Variants in UNC5D observed in about 807,000 individuals in gnomAD.
UNC5D encodes the protein unc-5 netrin receptor D.
A neutral mutation model predicts 105.4 loss-of-function variants in UNC5D; 39 were observed. The observed-to-expected ratio is 0.37, with a 90% CI of 0.29 to 0.48. UNC5D has a LOEUF of 0.48. Ranked by LOEUF, UNC5D falls within the 20% of genes least tolerant of loss-of-function variation. The probability of loss-of-function intolerance (pLI) is 0.98; values close to 1 mark genes in which losing one functional copy is unlikely to be tolerated. For missense variants in UNC5D, 991 were observed against 1,202.4 expected, an observed-to-expected ratio of 0.82 and a Z score of 2.60; for synonymous variants, 452 against 450.4, an observed-to-expected ratio of 1.00 and a Z score of -0.04.
chr8:35,343,912 C>G (rs905779831), intron 1 of UNC5D, among the ~76,000 whole-genome samples: 2 of 152,074 alleles, frequency 1.3e-5, no homozygotes, highest in Admixed American at 6.6e-5. Flanking sequence ...TTAACCTATA[C>G]GAGAATGTCT....
intron 4 of UNC5D, among the ~76,000 whole-genome samples, chr8:35,627,625 G>GC (rs763959721): frequency 3.8e-4 from 58 of 152,234 alleles, no homozygotes; most frequent in Non-Finnish European, 8.1e-4. Flanking sequence ...TGACAGTACT[G>GC]TTTTTAAAAA....
At chr8:35,690,915 G>A (rs1054844949) in intron 7 of UNC5D, among the ~76,000 whole-genome samples, 1 of 152,176 alleles carries the variant, frequency 6.6e-6, no homozygotes, top group Non-Finnish European at 1.5e-5. Flanking sequence ...TGACCCTAAA[G>A]CAATTCCTCA....
intron 1 of UNC5D, among the ~76,000 whole-genome samples, chr8:35,266,454 A>G (rs932169134): frequency 3.3e-5 from 5 of 152,234 alleles, no homozygotes; most frequent in Admixed American, 3.3e-4. Context: ...CCAAATGGTT[A>G]GGTTAAAGTG....
intron 15 of UNC5D, among the ~76,000 whole-genome samples, chr8:35,769,266 C>T (rs1801904149): frequency 1.3e-5 from 2 of 152,148 alleles, no homozygotes; most frequent in Non-Finnish European, 2.9e-5. Context: ...CAGTACCCAA[C>T]TCAGAGACCT....
intron 4 of UNC5D, among the ~76,000 whole-genome samples, chr8:35,641,453 G>A (rs189032524): frequency 6.7e-6 from 1 of 149,520 alleles, no homozygotes; most frequent in Non-Finnish European, 1.5e-5. Context: ...TGTCTGATCA[G>A]ATCTTTGCCA....
chr8:35,243,054 T>A (rs1802893025), intron 1 of UNC5D, among the ~76,000 whole-genome samples: 1 of 152,142 alleles, frequency 6.6e-6, no homozygotes, highest in Non-Finnish European at 1.5e-5. Context: ...TTACTGCAGA[T>A]CTTGTTAAAA....
intron 3 of UNC5D, among the ~76,000 whole-genome samples, chr8:35,579,091 CAAT>C (rs1818304686): frequency 6.6e-6 from 1 of 152,136 alleles, no homozygotes; most frequent in South Asian, 2.1e-4. Flanking sequence ...GATTTTATTT[CAAT>C]TCAACTCTCA....
rs540612345 is a variant in UNC5D at position 35,437,842 on chromosome 8, G to C, written c.104-111450G>C. Among the ~76,000 whole-genome samples the C allele has an allele frequency of 1.1e-4, 16 of 151,012 alleles. 1 individual carries two copies. The highest frequency in any genetic ancestry group is 3.9e-4 in the African/African-American group (16 of 41,364). Reference sequence around the variant, plus strand: ...GTGAATTTAGTAACAGGAGCAATTGGATTTCTTCTGAGCGGTTGATTTTTT... The same window carrying C: ...GTGAATTTAGTAACAGGAGCAATTGCATTTCTTCTGAGCGGTTGATTTTTT... On this transcript the variant is annotated intron_variant, in intron 1 of 16. Coordinates refer to ENST00000404895, the MANE Select transcript of UNC5D (RefSeq NM_080872.4).
intron 4 of UNC5D, among the ~76,000 whole-genome samples, chr8:35,597,448 C>A (rs1011753458): frequency 6.6e-6 from 1 of 152,118 alleles, no homozygotes; most frequent in South Asian, 2.1e-4. Context: ...TTCCTAGGAG[C>A]CTAACAGAGG....
chr8:35,706,213 A>G (rs569044003), intron 8 of UNC5D, among the ~76,000 whole-genome samples: 2 of 152,204 alleles, frequency 1.3e-5, no homozygotes, highest in Non-Finnish European at 2.9e-5. Context: ...ATTTCTCTGC[A>G]AATGTCATCT....
At chr8:35,724,650 T>C (rs1390380921) in intron 9 of UNC5D, among the ~76,000 whole-genome samples, 1 of 152,182 alleles carries the variant, frequency 6.6e-6, no homozygotes, top group African/African-American at 2.4e-5. Flanking sequence ...TTTGCTTCCT[T>C]GTGTCACTTA....
At chr8:35,598,902 G>A (rs142647082) in intron 4 of UNC5D, among the ~76,000 whole-genome samples, 1 of 152,074 alleles carries the variant, frequency 6.6e-6, no homozygotes, top group Admixed American at 6.6e-5. Flanking sequence ...CAGCACTTTG[G>A]GAGGCCAAGG....
rs1005609245 is a variant in UNC5D, at chr8:35,492,089, T to G, written c.104-57203T>G. 3.9e-5 allele frequency among the ~76,000 whole-genome samples: 6 copies of G among 152,034 alleles called. No homozygotes were observed. In the South Asian group the frequency reaches 1.2e-3, roughly 32 times the overall value. On this transcript the variant is annotated intron_variant, in intron 1 of 16. Transcript: ENST00000404895. ...CCTTCCATTGTTTTCAGAACATCACTTTTCTTCTTTTTTTTTTTTTCCCTG... is the reference window on the plus strand; with the variant it reads ...CCTTCCATTGTTTTCAGAACATCACGTTTCTTCTTTTTTTTTTTTTCCCTG...
At position 35,774,004 on chromosome 8, in the gene UNC5D, A is replaced by G. The variant is rs559405830; in HGVS notation, c.2479-295A>G. Among the ~76,000 whole-genome samples, 4 of 152,298 alleles carry G rather than the reference A, an allele frequency of 2.6e-5. 1 individual carries two copies. In the East Asian group the frequency reaches 5.8e-4, roughly 22 times the overall value. On this transcript the variant is annotated intron_variant, in intron 15 of 16. Transcript: ENST00000404895. ...CTTCCAAAGTGCTGGGATTACAAGCATGAGCCACTGTGCCCAGCCTCTGAC... is the reference window on the plus strand; with the variant it reads ...CTTCCAAAGTGCTGGGATTACAAGCGTGAGCCACTGTGCCCAGCCTCTGAC...
At chr8:35,283,941 G>T (rs988145621) in intron 1 of UNC5D, among the ~76,000 whole-genome samples, 1 of 152,098 alleles carries the variant, frequency 6.6e-6, no homozygotes, top group Admixed American at 6.6e-5. Flanking sequence ...TTTATATCTA[G>T]ATTCATTCAA....
chr8:35,242,106 A>G lies in UNC5D; in HGVS notation c.103+6219A>G, dbSNP rs141831794. Among the ~76,000 whole-genome samples the G allele has an allele frequency of 1.3e-3, 193 of 152,296 alleles. 2 individuals are homozygous for G. The East Asian group carries it at 0.028, about 22-fold the overall frequency. On this transcript the variant is annotated intron_variant, in intron 1 of 16. Transcript: ENST00000404895. ...AATTACTGGATTCATAAGGTGCAAA[A>G]GAACCCTCCTTCCCAGAAAGATTGG...
chr8:35,686,851 A>G, intron 7 of UNC5D, 142 bp downstream of exon 7: 1 of 1,051,346 alleles, frequency 9.5e-7, no homozygotes, highest in Non-Finnish European at 1.3e-6. Flanking sequence ...TTAGGTAAAA[A>G]GTGCAGAAAA....
At chr8:35,294,185 T>A (rs1404933078) in intron 1 of UNC5D, among the ~76,000 whole-genome samples, 1 of 152,170 alleles carries the variant, frequency 6.6e-6, no homozygotes, top group Non-Finnish European at 1.5e-5. Flanking sequence ...AATGCAAATT[T>A]TAAACTCAAC....
chr8:35,633,430 A>G (rs1165707959), intron 4 of UNC5D, among the ~76,000 whole-genome samples: 1 of 151,850 alleles, frequency 6.6e-6, no homozygotes, highest in Non-Finnish European at 1.5e-5. Context: ...CTCTTTTTTT[A>G]TGTGAGATTT....
Sources: allele counts gnomAD v4.1 joint callset (sites outside exome capture counted in the v4.1 genomes callset), GRCh38; gene constraint gnomAD v4.1.1; transcripts MANE v1.5; gene names NCBI Gene and HGNC (gene_info 2026-07-23, HGNC 2026-07-21).